Variants in TTC7B observed in about 807,000 individuals in gnomAD.
TTC7B encodes tetratricopeptide repeat protein 7B.
A neutral mutation model predicts 106.8 loss-of-function variants in TTC7B; 28 were observed. The observed-to-expected ratio is 0.26, with a 90% CI of 0.19 to 0.36. TTC7B has a LOEUF of 0.36. TTC7B is among the 10% of genes least tolerant of loss of function. The pLI is 1.00. For synonymous variants in TTC7B, 405 were observed against 430.6 expected (o/e 0.94, Z 0.74); for missense variants, 862 against 1,076.4 (o/e 0.80, Z 2.79).
chr14:90,652,352 G>A (rs1316960533), intron 13 of TTC7B, among the ~76,000 whole-genome samples: 1 of 151,624 alleles, frequency 6.6e-6, no homozygotes, highest in African/African-American at 2.4e-5. Context: ...ATGACAGAGA[G>A]AAGCACAAGG....
rs73326821 is a variant in TTC7B at position 90,605,615 on chromosome 14, G to A, written c.1966+5127C>T. 1,934 of 1,285,014 alleles carry A rather than the reference G, an allele frequency of 1.5e-3. 25 individuals are homozygous for A. The African/African-American group carries it at 0.027, about 18-fold the overall frequency. 79.6% of individuals were successfully genotyped at this position (1,285,014 alleles called of 1,614,324 possible). A position where few individuals can be genotyped will look rare whatever the true frequency, so the allele number is the denominator to read the frequency against. On this transcript the variant is annotated intron_variant, in intron 17 of 19. Transcript: ENST00000328459. ...TGTTTACAGAGAGAGGGTTCCCGGC[G>A]GGGACCTGCGTCACTGAATGAATGA...
chr14:90,635,913 A>C (rs1257820412), intron 15 of TTC7B, among the ~76,000 whole-genome samples: 1 of 152,072 alleles, frequency 6.6e-6, no homozygotes, highest in Non-Finnish European at 1.5e-5. Flanking sequence ...TGAGGTCAGG[A>C]GTTCGAGACC....
intron 4 of TTC7B, among the ~76,000 whole-genome samples, chr14:90,740,604 C>G (rs765769992): frequency 7.0e-6 from 1 of 142,404 alleles, no homozygotes; most frequent in Non-Finnish European, 1.5e-5. Flanking sequence ...CAGGTTCATG[C>G]GATTCTCCTG....
At chr14:90,648,476 C>A in intron 13 of TTC7B, 1 of 152,560 alleles carries the variant, frequency 6.6e-6, no homozygotes, top group South Asian at 2.0e-4. Context: ...CTTAGCCTCC[C>A]AAGGTGCTGG....
intron 7 of TTC7B, among the ~76,000 whole-genome samples, chr14:90,688,103 T>G (rs1326453588): frequency 6.6e-6 from 1 of 152,266 alleles, no homozygotes; most frequent in Non-Finnish European, 1.5e-5. Flanking sequence ...TTTTCTAATT[T>G]GAAAACATGG....
rs896973268 is a variant in TTC7B at position 90,660,550 on chromosome 14, C to T, written c.1153-2163G>A. 5.3e-5 allele frequency among the ~76,000 whole-genome samples: 8 copies of T among 152,250 alleles called. No homozygotes were observed. In the East Asian group the frequency reaches 5.8e-4, roughly 11 times the overall value. On this transcript the variant is annotated intron_variant, in intron 9 of 19. Transcript: ENST00000328459. ...GTCAGCTCAGAGACTGGTGCAACCACGCAGTGGAGCCTGCACCACTGTGTT... is the reference window on the plus strand; with the variant it reads ...GTCAGCTCAGAGACTGGTGCAACCATGCAGTGGAGCCTGCACCACTGTGTT...
rs1369399453 is a variant in TTC7B, at chr14:90,805,473, C to A, written c.121+10702G>T. 3.3e-5 allele frequency among the ~76,000 whole-genome samples: 5 copies of A among 152,164 alleles called. No individual in the cohort carries two copies. Among genetic ancestry groups the A allele is most frequent in the Non-Finnish European group, 7.4e-5 (5 of 68,016 alleles). Reference sequence around the variant, plus strand: ...TAGAGACAGAGTTTCACCATGTTGGCCGGGCTGGTCTCGAAATCCTCACCT... The same window carrying A: ...TAGAGACAGAGTTTCACCATGTTGGACGGGCTGGTCTCGAAATCCTCACCT... On this transcript the variant is annotated intron_variant, in intron 1 of 19. Transcript: ENST00000328459. This position sits in a 1 kb window ranked among gnomAD's most constrained non-coding sequence, Gnocchi z 4.0.
At chr14:90,615,958 A>G (rs2139846508) in intron 16 of TTC7B, among the ~76,000 whole-genome samples, 1 of 152,230 alleles carries the variant, frequency 6.6e-6, no homozygotes, top group East Asian at 1.9e-4. Flanking sequence ...TCTGGCCCTG[A>G]AGGAACCTTC....
chr14:90,755,027 C>CT (rs1890244839), intron 3 of TTC7B, among the ~76,000 whole-genome samples: 1 of 152,178 alleles, frequency 6.6e-6, no homozygotes, highest in South Asian at 2.1e-4. Flanking sequence ...TGCCCTCTGT[C>CT]TAACTCAAAA....
At chr14:90,801,837 G>T (rs1032221176) in intron 1 of TTC7B, among the ~76,000 whole-genome samples, 2 of 152,072 alleles carry the variant, frequency 1.3e-5, no homozygotes, top group Non-Finnish European at 2.9e-5. Flanking sequence ...GAAGGGGGTG[G>T]ATCACCTGAG....
chr14:90,707,222 C>A (rs1447891282), intron 5 of TTC7B, among the ~76,000 whole-genome samples: 2 of 152,104 alleles, frequency 1.3e-5, no homozygotes, highest in African/African-American at 4.8e-5. Flanking sequence ...TTGATAATAC[C>A]ATAATTGTTT....
chr14:90,773,519 C>CA (rs1368372169), intron 3 of TTC7B, among the ~76,000 whole-genome samples: 1 of 152,126 alleles, frequency 6.6e-6, no homozygotes, highest in Non-Finnish European at 1.5e-5. Flanking sequence ...TACTAGGGTC[C>CA]GGGATTGTTC....
intron 19 of TTC7B, among the ~76,000 whole-genome samples, chr14:90,566,680 C>T (rs562738316): frequency 1.7e-4 from 26 of 152,144 alleles, no homozygotes; most frequent in Non-Finnish European, 2.2e-4. Context: ...CATCAGTGAA[C>T]GTGGTGGGCA....
At chr14:90,686,616 C>A (rs1313313328) in intron 7 of TTC7B, among the ~76,000 whole-genome samples, 1 of 152,134 alleles carries the variant, frequency 6.6e-6, no homozygotes, top group Admixed American at 6.5e-5. Context: ...GACCAATAAA[C>A]AAATTCAGCA....
intron 19 of TTC7B, among the ~76,000 whole-genome samples, chr14:90,550,313 C>G (rs1033536766): frequency 1.3e-5 from 2 of 152,202 alleles, no homozygotes; most frequent in African/African-American, 4.8e-5. Context: ...TAGGACCGAA[C>G]TGTAATGCAC....
At chr14:90,559,672 G>A (rs1175034788) in intron 19 of TTC7B, among the ~76,000 whole-genome samples, 1 of 151,518 alleles carries the variant, frequency 6.6e-6, no homozygotes, top group Admixed American at 6.6e-5. Flanking sequence ...CAACACACAC[G>A]ATTCTCACAG....
chr14:90,644,711 T>G (rs1444890101), intron 14 of TTC7B: 1 of 152,724 alleles, frequency 6.5e-6, no homozygotes, highest in Non-Finnish European at 1.5e-5. Flanking sequence ...AACAGAGCTT[T>G]CCGAGTGATC....
chr14:90,699,647 A>G (rs977729222), intron 5 of TTC7B, among the ~76,000 whole-genome samples: 2 of 152,234 alleles, frequency 1.3e-5, no homozygotes, highest in Admixed American at 1.3e-4. Flanking sequence ...TCTTATAACT[A>G]AAGATCAAAC....
rs2031196268 is a variant in TTC7B at position 90,816,427 on chromosome 14, G to A, written c.-132C>T. ...GGCTCCGCGGCGTAACGGGAGCGCC[G>A]GCTGGGGAAGGGGCGGGGAGGCGGG... On this transcript the variant is annotated 5_prime_UTR_variant, in exon 1 of 20. Coordinates refer to ENST00000328459, the MANE Select transcript of TTC7B (RefSeq NM_001010854.2). The A allele has an allele frequency of 8.4e-6, 3 of 355,482 alleles. No homozygotes were observed. The South Asian group carries it at 3.1e-4, about 37-fold the overall frequency. 22.0% of individuals were successfully genotyped at this position (355,482 alleles called of 1,614,324 possible).
Sources: allele counts gnomAD v4.1 joint callset (sites outside exome capture counted in the v4.1 genomes callset), GRCh38; gene constraint gnomAD v4.1.1; non-coding constraint Gnocchi (gnomAD v3.1); transcripts MANE v1.5; gene names NCBI Gene and HGNC (gene_info 2026-07-23, HGNC 2026-07-21).